The following ERC2 variants were observed in gnomAD, a reference collection of about 807,000 sequenced individuals.
ERC2 encodes ELKS/RAB6-interacting/CAST family member 2.
A neutral mutation model predicts 114.8 loss-of-function variants in ERC2; 42 were observed. The ratio of observed to expected loss-of-function variants is 0.37; its 90% CI spans 0.29 to 0.47. ERC2 has a LOEUF of 0.47. ERC2 is among the 20% of genes least tolerant of loss of function. The pLI is 0.99. For missense variants in ERC2, 939 were observed against 1,150.7 expected, an observed-to-expected ratio of 0.82 and a Z score of 2.66; for synonymous variants, 454 against 425.5, an observed-to-expected ratio of 1.07 and a Z score of -0.82.
chr3:56,149,003 T>G lies in ERC2; in HGVS notation c.1279A>C (p.Ser427Arg), dbSNP rs201037976. 1 of 1,613,414 alleles carries G rather than the reference T, an allele frequency of 6.2e-7. No individual in the cohort carries two copies. Among genetic ancestry groups the G allele is most frequent in the Non-Finnish European group, 8.5e-7 (1 of 1,179,554 alleles). Residue 427 changes from serine (S) to arginine (R), a missense_variant, in exon 5 of 18, where the codon AGT (serine) becomes CGT (arginine). Physicochemically the swap from Ser to Arg is moderately radical, Grantham distance 110. This residue lies in a region of ERC2 where 148 missense variants were observed against 159.1 expected (regional missense o/e 0.93). Transcript: ENST00000288221. The stretch of plus-strand genomic sequence containing the variant: ...TTGGTCTTCATAAACTTGGAGTGAC[T>G]TTTGTAAACCTCAATTTGTTTGATC... Reference protein sequence around the residue: ...EEIKQIEVYKSHSKFMKTKID... With the variant: ...EEIKQIEVYKRHSKFMKTKID...
intron 3 of ERC2, among the ~76,000 whole-genome samples, chr3:56,206,183 AC>A (rs2048717157): frequency 4.9e-5 from 1 of 20,496 alleles, no homozygotes; most frequent in African/African-American, 6.5e-5. Flanking sequence ...CCAGAAAAAC[AC>A]ACACACACAC....
At chr3:55,639,532 A>T (rs1322605474) in intron 17 of ERC2, among the ~76,000 whole-genome samples, 2 of 152,208 alleles carry the variant, frequency 1.3e-5, no homozygotes, top group African/African-American at 4.8e-5. Context: ...CAAAATAGAC[A>T]CAGAAATAGT....
chr3:56,367,709 G>T (rs1269256517), intron 2 of ERC2, among the ~76,000 whole-genome samples: 1 of 151,884 alleles, frequency 6.6e-6, no homozygotes, highest in Non-Finnish European at 1.5e-5. Context: ...TTTGACTCAG[G>T]GTTACCAAAC....
intron 14 of ERC2, among the ~76,000 whole-genome samples, chr3:55,845,785 C>G (rs895159671): frequency 6.6e-6 from 1 of 152,232 alleles, no homozygotes; most frequent in Non-Finnish European, 1.5e-5. Flanking sequence ...AAGACAATAA[C>G]TCAGCTCACA....
intron 17 of ERC2, among the ~76,000 whole-genome samples, chr3:55,587,794 T>G (rs551875100): frequency 1.3e-5 from 2 of 152,316 alleles, no homozygotes; most frequent in African/African-American, 4.8e-5. Flanking sequence ...ACTAAGCTAT[T>G]CACATGTACT....
chr3:56,244,518 G>T (rs1336801853), intron 3 of ERC2, among the ~76,000 whole-genome samples: 1 of 152,040 alleles, frequency 6.6e-6, no homozygotes, highest in Non-Finnish European at 1.5e-5. Flanking sequence ...AGACCTTCCA[G>T]TGGGATCATC....
At chr3:55,735,224 A>G (rs2065555193) in intron 14 of ERC2, among the ~76,000 whole-genome samples, 1 of 152,204 alleles carries the variant, frequency 6.6e-6, no homozygotes, top group African/African-American at 2.4e-5. Context: ...CCAAACATAC[A>G]TATATTCATC....
chr3:55,568,736 G>T (rs1157399856), intron 17 of ERC2, among the ~76,000 whole-genome samples: 1 of 152,140 alleles, frequency 6.6e-6, no homozygotes, highest in African/African-American at 2.4e-5. Context: ...ATCCCATTCA[G>T]ATGAAGCCAG....
intron 12 of ERC2, among the ~76,000 whole-genome samples, chr3:55,956,614 A>G (rs1269022359): frequency 6.6e-6 from 1 of 152,138 alleles, no homozygotes; most frequent in Admixed American, 6.5e-5. Flanking sequence ...CTGCTGTGGC[A>G]ACTTGAACCT....
At chr3:56,309,135 A>C (rs1284889153) in intron 2 of ERC2, among the ~76,000 whole-genome samples, 1 of 152,258 alleles carries the variant, frequency 6.6e-6, no homozygotes, top group Non-Finnish European at 1.5e-5. Flanking sequence ...GGTATAAAAA[A>C]TTAATATTTA....
At chr3:56,298,137 T>G (rs1024617416) in intron 2 of ERC2, among the ~76,000 whole-genome samples, 1 of 152,180 alleles carries the variant, frequency 6.6e-6, no homozygotes, top group African/African-American at 2.4e-5. Context: ...TTTTTAACAT[T>G]ACCTCAGAGA....
intron 14 of ERC2, among the ~76,000 whole-genome samples, chr3:55,826,018 G>A (rs1047516537): frequency 6.6e-6 from 1 of 151,390 alleles, no homozygotes; most frequent in African/African-American, 2.4e-5. Context: ...AGGGAGGGAA[G>A]GAAGGAGGAA....
intron 6 of ERC2, among the ~76,000 whole-genome samples, chr3:56,097,447 T>A (rs2149796721): frequency 6.6e-6 from 1 of 152,286 alleles, no homozygotes; most frequent in South Asian, 2.1e-4. Flanking sequence ...AACATTTTGG[T>A]ATGGAAAATC....
In ERC2 at chr3:56,349,465, G is replaced by A. The variant is rs539529908; in HGVS notation, c.658-53030C>T. Among the ~76,000 whole-genome samples the A allele has an allele frequency of 2.0e-5, 3 of 152,270 alleles. No individual in the cohort carries two copies. The South Asian group carries it at 6.2e-4, about 32-fold the overall frequency. ...ACTAAGAAACTATGCCCTTTTAAAA[G>A]CTTAGCTATATTTCCCAATCACACT... On this transcript the variant is annotated intron_variant, in intron 2 of 17. Coordinates refer to ENST00000288221, the MANE Select transcript of ERC2 (RefSeq NM_015576.3).
intron 10 of ERC2, among the ~76,000 whole-genome samples, chr3:56,002,470 T>TA (rs961621186): frequency 4.1e-4 from 63 of 152,190 alleles, no homozygotes; most frequent in African/African-American, 1.4e-3. Context: ...GTCACTAGGA[T>TA]AAAAAAAATT....
intron 17 of ERC2, among the ~76,000 whole-genome samples, chr3:55,629,870 T>A (rs1318494855): frequency 6.6e-6 from 1 of 152,134 alleles, no homozygotes. Flanking sequence ...CCCCACATGA[T>A]GAGAAGGAGC....
chr3:56,297,524 T>G (rs1358152877), intron 2 of ERC2, among the ~76,000 whole-genome samples: 1 of 152,210 alleles, frequency 6.6e-6, no homozygotes, highest in African/African-American at 2.4e-5. Context: ...AGATAGTTGA[T>G]GAATTTGGCA....
chr3:56,057,765 C>G (rs1327368943), intron 7 of ERC2, among the ~76,000 whole-genome samples: 1 of 151,950 alleles, frequency 6.6e-6, no homozygotes, highest in Non-Finnish European at 1.5e-5. Flanking sequence ...TGATTCTGTC[C>G]TTATAAAACT....
intron 2 of ERC2, among the ~76,000 whole-genome samples, chr3:56,379,896 T>A (rs900776798): frequency 6.6e-6 from 1 of 152,182 alleles, no homozygotes; most frequent in African/African-American, 2.4e-5. Flanking sequence ...TGATAAGAAC[T>A]AACATATTTG....
Sources: gnomAD v4.1 joint callset for allele counts (sites outside exome capture counted in the v4.1 genomes callset) on GRCh38, gnomAD v4.1.1 for gene constraint, gnomAD v4.1.1 regional missense constraint, MANE v1.5 for transcripts, NCBI Gene and HGNC (gene_info 2026-07-23, HGNC 2026-07-21) for gene names.